The following SP140L variants were observed in gnomAD, a reference collection of about 807,000 sequenced individuals.
SP140L encodes nuclear body protein SP140-like protein.
A neutral mutation model predicts 84.3 loss-of-function variants in SP140L; 64 were observed. The ratio of observed to expected loss-of-function variants is 0.76; its 90% CI spans 0.62 to 0.94. The LOEUF (loss-of-function observed/expected upper bound fraction) is 0.94. SP140L is among the 40% of genes least tolerant of loss of function. The probability of loss-of-function intolerance (pLI) is 0.00; values close to 1 mark genes in which losing one functional copy is unlikely to be tolerated. For missense variants in SP140L, 628 were observed against 692.5 expected (o/e 0.91, Z 1.05); for synonymous variants, 242 against 236.9 (o/e 1.02, Z -0.20).
chr2:230,385,134 A>G, intron 8 of SP140L, 90 bp from the exon 9 acceptor site: 1 of 1,315,238 alleles, frequency 7.6e-7, no homozygotes, highest in Non-Finnish European at 1.1e-6. Flanking sequence ...CCAGAGTGAA[A>G]CCCAGGACTC....
intron 2 of SP140L, among the ~76,000 whole-genome samples, chr2:230,331,361 C>G (rs923664835): frequency 6.6e-6 from 1 of 152,218 alleles, no homozygotes; most frequent in Admixed American, 6.5e-5. Context: ...TTCAGGCATC[C>G]GCTGGGGATC....
At chr2:230,369,988 G>T (rs909635712) in intron 5 of SP140L, among the ~76,000 whole-genome samples, 1 of 147,994 alleles carries the variant, frequency 6.8e-6, no homozygotes, top group Non-Finnish European at 1.5e-5. Context: ...TGGCCAGGCT[G>T]GTCTTGAATT....
chr2:230,364,820 A>C (rs1468301600), intron 5 of SP140L, among the ~76,000 whole-genome samples: 1 of 152,098 alleles, frequency 6.6e-6, no homozygotes, highest in Non-Finnish European at 1.5e-5. Flanking sequence ...TTTCTTCTAT[A>C]ACTATTTTGT....
chr2:230,390,808 C>T (rs539122210), intron 11 of SP140L, among the ~76,000 whole-genome samples: 1 of 152,042 alleles, frequency 6.6e-6, no homozygotes, highest in Non-Finnish European at 1.5e-5. Context: ...GATTGTACAG[C>T]CATTATTATC....
At chr2:230,336,746 T>C (rs1210964055) in intron 2 of SP140L, among the ~76,000 whole-genome samples, 2 of 152,204 alleles carry the variant, frequency 1.3e-5, no homozygotes, top group African/African-American at 4.8e-5. Flanking sequence ...GTTTTTCAGT[T>C]TTCCTATATC....
rs2062256125 is a variant in SP140L at position 230,400,233 on chromosome 2, A to G, written c.1304A>G (p.Glu435Gly). The change falls in exon 15 of 19, where the codon GAA (glutamate) becomes GGA (glycine). Residue 435 changes from glutamate (E) to glycine (G), a missense_variant. This residue lies in a region of SP140L where 525 missense variants were observed against 518.4 expected (regional missense o/e 1.01). Coordinates refer to ENST00000415673, the MANE Select transcript of SP140L (RefSeq NM_138402.6). Reference protein sequence around the residue: ...FHEDCHIPPVESEKTPWNCIF... With the variant: ...FHEDCHIPPVGSEKTPWNCIF... ...GAGGACTGCCACATCCCACCTGTGGAAAGTGAGAAGTAAGTGACATGCAGG... is the reference window on the plus strand; with the variant it reads ...GAGGACTGCCACATCCCACCTGTGGGAAGTGAGAAGTAAGTGACATGCAGG... 2 of 1,614,122 alleles carry G rather than the reference A, an allele frequency of 1.2e-6. No individual in the cohort carries two copies. Among genetic ancestry groups the G allele is most frequent in the East Asian group, 4.5e-5 (2 of 44,874 alleles).
intron 2 of SP140L, among the ~76,000 whole-genome samples, chr2:230,335,166 A>T (rs1298391509): frequency 1.3e-5 from 2 of 151,954 alleles, no homozygotes; most frequent in South Asian, 2.1e-4. Flanking sequence ...TTTGTTTGAG[A>T]TATAATTAAA....
At chr2:230,383,420 T>A in intron 7 of SP140L, 90 bp from the exon 8 acceptor site, 1 of 1,385,178 alleles carries the variant, frequency 7.2e-7, no homozygotes, top group Non-Finnish European at 9.7e-7. Context: ...GACCAAAGTA[T>A]GAAAAAATCT....
At chr2:230,387,770 G>A (rs186412203) in intron 9 of SP140L, among the ~76,000 whole-genome samples, 2 of 152,230 alleles carry the variant, frequency 1.3e-5, no homozygotes, top group Non-Finnish European at 2.9e-5. Context: ...GAACGTCGTC[G>A]GCTGCAGTGT....
intron 7 of SP140L, among the ~76,000 whole-genome samples, chr2:230,374,778 G>A (rs1481517416): frequency 1.3e-5 from 2 of 152,152 alleles, no homozygotes; most frequent in Non-Finnish European, 2.9e-5. Context: ...GAGCTATAAA[G>A]TATTTTTAAT....
rs1383290062 is a variant in SP140L at position 230,328,837 on chromosome 2, G to A, written c.107+6G>A. The A allele has an allele frequency of 6.2e-7, 1 of 1,604,906 alleles. No individual in the cohort carries two copies. Reference sequence around the variant, plus strand: ...CACAGCCAAAGTCTGCAAAGGTGATGAAGAATTACAATTTGTTTTAATTTG... The same window carrying A: ...CACAGCCAAAGTCTGCAAAGGTGATAAAGAATTACAATTTGTTTTAATTTG... On this transcript the variant is annotated splice_donor_region_variant and intron_variant, in intron 2 of 18. Coordinates refer to ENST00000415673, the MANE Select transcript of SP140L (RefSeq NM_138402.6).
At chr2:230,369,059 T>C (rs748119285) in intron 5 of SP140L, among the ~76,000 whole-genome samples, 7 of 152,238 alleles carry the variant, frequency 4.6e-5, no homozygotes, top group Non-Finnish European at 7.3e-5. Context: ...TCTGTGCATT[T>C]AAGGAAGTAA....
Position 230,400,955 on chromosome 2 carries a change from G to A in SP140L, c.1314G>A (p.Lys438=). ...DCHIPPVESE[K]TPWNCIFCRM... is the part of the protein sequence containing the mutation. ...TGCTCACCCATGTCCAATCTCTCAG[G>A]ACCCCGTGGAATTGCATCTTCTGCA... is the stretch of plus-strand genomic sequence containing the variant. The change falls in exon 16 of 19, where the codon AAG becomes AAA. Residue 438 remains lysine, a splice_region_variant and synonymous_variant. Transcript: ENST00000415673. 6.6e-7 allele frequency: 1 copy of A among 1,519,734 alleles called. No individual in the cohort carries two copies. Among genetic ancestry groups the A allele is most frequent in the Non-Finnish European group, 8.9e-7 (1 of 1,119,146 alleles). The allele number at this position is 1,519,734 out of a possible 1,614,324, so 94.1% of individuals were successfully genotyped here.
chr2:230,398,239 G>T (rs1412865629), intron 14 of SP140L, among the ~76,000 whole-genome samples: 1 of 152,150 alleles, frequency 6.6e-6, no homozygotes, highest in Non-Finnish European at 1.5e-5. Flanking sequence ...GAATACCAGT[G>T]CCTGTGCCTC....
intron 15 of SP140L, chr2:230,400,640 G>A: frequency 3.7e-6 from 2 of 547,062 alleles, no homozygotes; most frequent in Non-Finnish European, 6.5e-6. Context: ...CCCTGGAGTT[G>A]AAAGCCCAGT....
chr2:230,395,817 A>G (rs1477240953), intron 13 of SP140L, among the ~76,000 whole-genome samples: 2 of 152,238 alleles, frequency 1.3e-5, no homozygotes, highest in African/African-American at 4.8e-5. Context: ...ATCCAAAAGC[A>G]ATCTAAATAA....
intron 4 of SP140L, among the ~76,000 whole-genome samples, 198 bp from the exon 5 acceptor site, chr2:230,361,416 G>C (rs559508013): frequency 2.6e-5 from 4 of 152,222 alleles, no homozygotes; most frequent in African/African-American, 9.6e-5. Context: ...CTTAAATCTT[G>C]AGTATCCCCT....
At chr2:230,387,595 C>T (rs1011558535) in intron 9 of SP140L, among the ~76,000 whole-genome samples, 2 of 152,092 alleles carry the variant, frequency 1.3e-5, no homozygotes, top group South Asian at 2.1e-4. Flanking sequence ...TTCCATGGGG[C>T]CTACATGACC....
intron 13 of SP140L, among the ~76,000 whole-genome samples, chr2:230,395,936 G>A (rs1310814178): frequency 6.6e-6 from 1 of 152,232 alleles, no homozygotes; most frequent in Non-Finnish European, 1.5e-5. Context: ...GAGGACCTTG[G>A]AGTCATTTTA....
Sources: gnomAD v4.1 joint callset for allele counts (sites outside exome capture counted in the v4.1 genomes callset) on GRCh38, gnomAD v4.1.1 for gene constraint, gnomAD v4.1.1 regional missense constraint, MANE v1.5 for transcripts, NCBI Gene and HGNC (gene_info 2026-07-23, HGNC 2026-07-21) for gene names.